POLR3B: variants seen among roughly 807,000 people sequenced by gnomAD.
POLR3B encodes RNA polymerase III subunit B.
Under a neutral mutation model 147.4 loss-of-function variants are expected in POLR3B, and 96 were observed. The ratio of observed to expected loss-of-function variants is 0.65; its 90% CI spans 0.55 to 0.77. The LOEUF (loss-of-function observed/expected upper bound fraction) is 0.77. Among genes scored for constraint, POLR3B ranks in the 30% least tolerant of loss-of-function variants. The pLI is 0.00. For missense variants in POLR3B, 1,036 were observed against 1,413.5 expected (o/e 0.73, Z 4.28); for synonymous variants, 461 against 485.9 (o/e 0.95, Z 0.67).
chr12:106,426,409 C>A lies in POLR3B; in HGVS notation c.1102-788C>A, dbSNP rs577152484. On this transcript the variant is annotated intron_variant, in intron 12 of 27. Coordinates refer to ENST00000228347, the MANE Select transcript of POLR3B (RefSeq NM_018082.6). ...GGGATTACAGGCACCCGCCACCAGA[C>A]CCGGCTAATTTTTGTATTTTTAGTA... 2.6e-5 allele frequency among the ~76,000 whole-genome samples: 4 copies of A among 152,158 alleles called. No homozygotes were observed. The South Asian group carries it at 8.3e-4, about 32-fold the overall frequency.
chr12:106,427,232 A>T lies in POLR3B; in HGVS notation c.1137A>T (p.Lys379Asn). ...TTCTTTTTGAAGACTTGTTCAAAAA[A>T]TTTAATTCTGAAATGAAAAAGATTG... ...LSLLFEDLFK[K>N]FNSEMKKIAD... is the part of the protein sequence containing the mutation. Residue 379 changes from lysine to asparagine, a missense_variant, in exon 13 of 28, where the codon AAA becomes AAT. By Grantham distance (94) the Lys-to-Asn change is moderately conservative. Around this residue, in one of 12 missense-constraint regions of POLR3B, gnomAD observed 89 missense variants for 110.9 expected, o/e 0.80. Transcript: ENST00000228347. 1 of 1,602,984 alleles carries T rather than the reference A, an allele frequency of 6.2e-7. No homozygotes were observed. Among genetic ancestry groups the T allele is most frequent in the Non-Finnish European group, 8.5e-7 (1 of 1,173,424 alleles).
intron 8 of POLR3B, 69 bp from the exon 9 acceptor site, chr12:106,379,962 C>T (rs1941169767): frequency 1.2e-6 from 1 of 840,236 alleles, no homozygotes; most frequent in African/African-American, 1.7e-5. Flanking sequence ...ATGATCATTG[C>T]TATTATTGCA....
intron 9 of POLR3B, among the ~76,000 whole-genome samples, chr12:106,391,760 A>G (rs372581937): frequency 3.3e-5 from 5 of 152,340 alleles, no homozygotes; most frequent in African/African-American, 1.2e-4. Flanking sequence ...GGACTTTTAG[A>G]TAGATGCCCC....
intron 7 of POLR3B, among the ~76,000 whole-genome samples, chr12:106,376,860 C>A (rs2036687794): frequency 6.6e-6 from 1 of 152,230 alleles, no homozygotes; most frequent in South Asian, 2.1e-4. Context: ...ACCTTGGCCT[C>A]CCAAAGTGCT....
intron 19 of POLR3B, among the ~76,000 whole-genome samples, chr12:106,448,310 A>G (rs2037749640): frequency 6.6e-6 from 1 of 151,894 alleles, no homozygotes; most frequent in Non-Finnish European, 1.5e-5. Flanking sequence ...GGGAGGTAGA[A>G]TGGATAATAT....
intron 23 of POLR3B, among the ~76,000 whole-genome samples, chr12:106,473,882 C>G (rs902602158): frequency 1.3e-5 from 2 of 151,130 alleles, no homozygotes; most frequent in African/African-American, 2.4e-5. Flanking sequence ...ATTGCCCTGG[C>G]CAGAACTTCC....
intron 27 of POLR3B, among the ~76,000 whole-genome samples, chr12:106,506,844 G>A (rs139798066): frequency 4.1e-3 from 628 of 152,304 alleles, no homozygotes; most frequent in Non-Finnish European, 6.7e-3. Flanking sequence ...TGGCCGAGGA[G>A]CGTAATGATG....
At chr12:106,405,580 A>ACAC (rs2037140566) in intron 10 of POLR3B, among the ~76,000 whole-genome samples, 1 of 150,056 alleles carries the variant, frequency 6.7e-6, no homozygotes, top group African/African-American at 2.5e-5. Context: ...ACACACACAC[A>ACAC]AATATATTTT....
chr12:106,482,582 G>A (rs537347931), intron 23 of POLR3B, among the ~76,000 whole-genome samples: 2 of 152,098 alleles, frequency 1.3e-5, no homozygotes, highest in South Asian at 2.1e-4. Context: ...TGAGAACAGC[G>A]AGGGGGGAAT....
At chr12:106,389,765 G>A (rs939615091) in intron 9 of POLR3B, among the ~76,000 whole-genome samples, 2 of 152,180 alleles carry the variant, frequency 1.3e-5, no homozygotes, top group African/African-American at 4.8e-5. Flanking sequence ...ATGGTCGCCT[G>A]TGCCTATAGT....
At chr12:106,490,545 G>A (rs1053494913) in intron 23 of POLR3B, among the ~76,000 whole-genome samples, 3 of 152,118 alleles carry the variant, frequency 2.0e-5, no homozygotes, top group Non-Finnish European at 2.9e-5. Context: ...ATGTCAACCG[G>A]TATATGGCAA....
intron 21 of POLR3B, among the ~76,000 whole-genome samples, chr12:106,459,025 A>ATGTG (rs113294680): frequency 2.0e-5 from 3 of 150,002 alleles, no homozygotes; most frequent in Non-Finnish European, 3.0e-5. Context: ...ATAGACTATG[A>ATGTG]TGTGTGTGTG....
intron 19 of POLR3B, among the ~76,000 whole-genome samples, chr12:106,445,417 CTG>C (rs1265958931): frequency 6.6e-6 from 1 of 151,994 alleles, no homozygotes; most frequent in Admixed American, 6.6e-5. Flanking sequence ...TCTTGGAAGA[CTG>C]AGTATTTTTG....
At chr12:106,444,184 T>C (rs937653466) in intron 18 of POLR3B, among the ~76,000 whole-genome samples, 1 of 152,222 alleles carries the variant, frequency 6.6e-6, no homozygotes, top group Non-Finnish European at 1.5e-5. Context: ...CTCATTGATA[T>C]ATGTTAGAAG....
intron 23 of POLR3B, among the ~76,000 whole-genome samples, chr12:106,475,995 C>T (rs1253863832): frequency 8.6e-5 from 13 of 150,826 alleles, no homozygotes; most frequent in African/African-American, 2.2e-4. Flanking sequence ...GATTTTGCAG[C>T]GGCTGGTACC....
At chr12:106,446,366 T>C (rs757331348) in intron 19 of POLR3B, 45 of 287,690 alleles carry the variant, frequency 1.6e-4, no homozygotes, top group Non-Finnish European at 2.8e-4. Flanking sequence ...AAATAAAGAA[T>C]AGACTTGAAA....
At chr12:106,379,610 G>A (rs1369484535) in intron 8 of POLR3B, among the ~76,000 whole-genome samples, 1 of 152,140 alleles carries the variant, frequency 6.6e-6, no homozygotes, top group Non-Finnish European at 1.5e-5. Context: ...CCAAGACTGT[G>A]GGTATATTTT....
At chr12:106,421,149 A>G (rs184689958) in intron 12 of POLR3B, among the ~76,000 whole-genome samples, 6 of 152,052 alleles carry the variant, frequency 3.9e-5, no homozygotes, top group Non-Finnish European at 8.8e-5. Flanking sequence ...CATTGTGTCA[A>G]GATGTGATAC....
intron 19 of POLR3B, among the ~76,000 whole-genome samples, chr12:106,451,479 G>A (rs1015586289): frequency 3.3e-5 from 5 of 151,900 alleles, no homozygotes; most frequent in Non-Finnish European, 5.9e-5. Context: ...AAAATTAGCT[G>A]AGTGTGGTGG....
Sources: gnomAD v4.1 joint callset for allele counts (sites outside exome capture counted in the v4.1 genomes callset) on GRCh38, gnomAD v4.1.1 for gene constraint, gnomAD v4.1.1 regional missense constraint, MANE v1.5 for transcripts, NCBI Gene and HGNC (gene_info 2026-07-23, HGNC 2026-07-21) for gene names.